Variants in ATAD2B observed in about 807,000 individuals in gnomAD.
ATAD2B encodes the protein ATPase family AAA domain containing 2B.
Under a neutral mutation model 167.6 loss-of-function variants are expected in ATAD2B, and 40 were observed. The observed-to-expected ratio is 0.24, with a 90% CI of 0.19 to 0.31. ATAD2B has a LOEUF of 0.31. ATAD2B is among the 10% of genes least tolerant of loss of function. The probability of loss-of-function intolerance (pLI) is 1.00; values close to 1 mark genes in which losing one functional copy is unlikely to be tolerated. For missense variants in ATAD2B, 1,242 were observed against 1,757.2 expected (o/e 0.71, Z 5.24); for synonymous variants, 579 against 596.5 (o/e 0.97, Z 0.43).
intron 16 of ATAD2B, among the ~76,000 whole-genome samples, chr2:23,821,911 C>T (rs1290269049): frequency 6.6e-6 from 1 of 152,142 alleles, no homozygotes; most frequent in Non-Finnish European, 1.5e-5. Flanking sequence ...GCCTTGGCCT[C>T]CCAAAACGCT....
At chr2:23,712,844 A>C in the ATAD2B span, among the ~76,000 whole-genome samples, 3 of 152,208 alleles carry the variant, frequency 2.0e-5, no homozygotes, top group Non-Finnish European at 4.4e-5. Flanking sequence ...TCTGCTGCCC[A>C]CTATGGAACA....
the ATAD2B span, among the ~76,000 whole-genome samples, chr2:23,694,371 CCTT>C: frequency 6.6e-6 from 1 of 152,224 alleles, no homozygotes; most frequent in South Asian, 2.1e-4. Flanking sequence ...CCCATCGAGA[CCTT>C]CCTCCTCTCG....
intron 18 of ATAD2B, among the ~76,000 whole-genome samples, chr2:23,798,756 T>G (rs759912781): frequency 4.9e-4 from 74 of 152,204 alleles, no homozygotes; most frequent in Non-Finnish European, 9.3e-4. Flanking sequence ...TTTGAGCACC[T>G]TGACTAAAAT....
At chr2:23,805,709 C>T (rs1181532849) in intron 18 of ATAD2B, among the ~76,000 whole-genome samples, 1 of 150,542 alleles carries the variant, frequency 6.6e-6, no homozygotes, top group Non-Finnish European at 1.5e-5. Context: ...AAAGATGGTG[C>T]CAAATTACAC....
At chr2:23,724,462 GAT>G in the ATAD2B span, among the ~76,000 whole-genome samples, 1 of 151,918 alleles carries the variant, frequency 6.6e-6, no homozygotes, top group Admixed American at 6.6e-5. Flanking sequence ...AACAGAGAAA[GAT>G]ATATATATTT....
intron 1 of ATAD2B, among the ~76,000 whole-genome samples, chr2:23,920,255 CAA>C (rs941790354): frequency 2.0e-5 from 3 of 151,686 alleles, no homozygotes; most frequent in African/African-American, 4.8e-5. Context: ...AAACAACACA[CAA>C]AAAAAAGAGT....
chr2:23,909,018 T>C (rs1213656954), intron 1 of ATAD2B, among the ~76,000 whole-genome samples: 1 of 147,470 alleles, frequency 6.8e-6, no homozygotes, highest in Non-Finnish European at 1.5e-5. Context: ...CATTGGGAGA[T>C]ATACCTAATG....
chr2:23,926,800 G>A lies in ATAD2B; in HGVS notation c.-30C>T, dbSNP rs1036184510. Reference sequence around the variant, plus strand: ...CAGCCAGGGGGACGGAGTCCACGCCGCGCCCGGGAGAGCCGAGCAAGGCCG... The same window carrying A: ...CAGCCAGGGGGACGGAGTCCACGCCACGCCCGGGAGAGCCGAGCAAGGCCG... On this transcript the variant is annotated 5_prime_UTR_variant, in exon 1 of 28. Coordinates refer to ENST00000238789, the MANE Select transcript of ATAD2B (RefSeq NM_017552.4). 1.3e-6 allele frequency: 2 copies of A among 1,488,404 alleles called. No individual in the cohort carries two copies. The highest frequency in any genetic ancestry group is 2.9e-5 in the African/African-American group (2 of 69,898). 92.2% of individuals were successfully genotyped at this position (1,488,404 alleles called of 1,614,324 possible).
At position 23,771,626 on chromosome 2, in the gene ATAD2B, A is replaced by G. The variant is rs185626557; in HGVS notation, c.3134-5998T>C. Among the ~76,000 whole-genome samples, 45 of 152,028 alleles carry G rather than the reference A, an allele frequency of 3.0e-4. No homozygotes were observed. In the East Asian group the frequency reaches 4.8e-3, roughly 16 times the overall value. The stretch of plus-strand genomic sequence containing the variant: ...TTGCTATTTATTTTCTACTTGGCCT[A>G]TATGTTTTTTGTTCCCTTTTTCCTC... On this transcript the variant is annotated intron_variant, in intron 22 of 27. Coordinates refer to ENST00000238789, the MANE Select transcript of ATAD2B (RefSeq NM_017552.4).
At chr2:23,892,493 A>G (rs1699674933) in intron 2 of ATAD2B, among the ~76,000 whole-genome samples, 1 of 145,510 alleles carries the variant, frequency 6.9e-6, no homozygotes, top group Non-Finnish European at 1.5e-5. Context: ...TTTTTTTAAG[A>G]CAGAGTCTCA....
At position 23,796,048 on chromosome 2, in the gene ATAD2B, C is replaced by T. The variant is rs539384123; in HGVS notation, c.2640+2090G>A. 5.3e-5 allele frequency among the ~76,000 whole-genome samples: 8 copies of T among 152,212 alleles called. No homozygotes were observed. In the South Asian group the frequency reaches 1.2e-3, roughly 24 times the overall value. ...CAGGAGTCAAGACCAGCCTGGGAAA[C>T]ATAATGAGACTTCGTCTCTACAAAA... On this transcript the variant is annotated intron_variant, in intron 19 of 27. Coordinates refer to ENST00000238789, the MANE Select transcript of ATAD2B (RefSeq NM_017552.4).
chr2:23,697,364 C>G, the ATAD2B span: 1 of 152,234 alleles, frequency 6.6e-6, no homozygotes, highest in African/African-American at 2.4e-5. Flanking sequence ...CTTAGTCCTG[C>G]TTTTGGAGAA....
chr2:23,917,776 T>C (rs1198618411), intron 1 of ATAD2B, among the ~76,000 whole-genome samples: 1 of 151,298 alleles, frequency 6.6e-6, no homozygotes, highest in East Asian at 2.0e-4. Context: ...AATAAAAATA[T>C]AGCCAGGCGC....
chr2:23,923,208 C>T (rs1704210531), intron 1 of ATAD2B, among the ~76,000 whole-genome samples: 1 of 152,206 alleles, frequency 6.6e-6, no homozygotes, highest in South Asian at 2.1e-4. Flanking sequence ...TACAACAACA[C>T]AGATGCACCT....
the ATAD2B span, chr2:23,695,683 A>G: frequency 6.4e-7 from 1 of 1,551,630 alleles, no homozygotes; most frequent in Non-Finnish European, 8.7e-7. The surrounding 1 kb of genome is among the most constrained non-coding windows in gnomAD (Gnocchi z 7.6). Flanking sequence ...CTACCTGCTC[A>G]ATGTGGTTGA....
At chr2:23,852,203 C>A (rs189155384) in intron 13 of ATAD2B, among the ~76,000 whole-genome samples, 17 of 152,264 alleles carry the variant, frequency 1.1e-4, no homozygotes, top group Admixed American at 3.3e-4. Flanking sequence ...GGTATTTTCA[C>A]TGGTGAATTC....
At chr2:23,847,537 C>T (rs1485151352) in intron 13 of ATAD2B, among the ~76,000 whole-genome samples, 2 of 151,818 alleles carry the variant, frequency 1.3e-5, no homozygotes, top group East Asian at 1.9e-4. Flanking sequence ...CAGTGGCACA[C>T]ACACCTGTGG....
At chr2:23,804,063 A>G (rs948125127) in intron 18 of ATAD2B, among the ~76,000 whole-genome samples, 6 of 152,220 alleles carry the variant, frequency 3.9e-5, no homozygotes, top group Admixed American at 1.3e-4. Flanking sequence ...AATATAGAAC[A>G]GAAGAAAAGA....
the ATAD2B span, chr2:23,706,344 A>G: frequency 3.2e-6 from 2 of 617,960 alleles, no homozygotes; most frequent in Non-Finnish European, 2.5e-6. Context: ...GTTAGAGGGC[A>G]AAGAAGGGCA....
Sources: gnomAD v4.1 joint callset for allele counts (sites outside exome capture counted in the v4.1 genomes callset) on GRCh38, gnomAD v4.1.1 for gene constraint, Gnocchi (gnomAD v3.1) non-coding constraint, MANE v1.5 for transcripts, NCBI Gene and HGNC (gene_info 2026-07-23, HGNC 2026-07-21) for gene names.